The following AGBL1 variants were observed in gnomAD, a reference collection of about 807,000 sequenced individuals.
The protein encoded by AGBL1 is AGBL carboxypeptidase 1.
In AGBL1, 130 loss-of-function variants were observed where a neutral mutation model predicts 118.9. That is an observed-to-expected ratio of 1.09 (90% CI 0.95 to 1.26). The LOEUF (loss-of-function observed/expected upper bound fraction) is 1.26. Ranked by LOEUF, AGBL1 falls within the 50% of genes most tolerant of loss-of-function variation. AGBL1 has a pLI of 0.00. For synonymous variants in AGBL1, 555 were observed against 478.9 expected, an observed-to-expected ratio of 1.16 and a Z score of -2.08; for missense variants, 1,584 against 1,298.1, an observed-to-expected ratio of 1.22 and a Z score of -3.38.
At chr15:86,561,995 C>T (rs2083829709) in intron 21 of AGBL1, among the ~76,000 whole-genome samples, 1 of 152,104 alleles carries the variant, frequency 6.6e-6, no homozygotes, top group Non-Finnish European at 1.5e-5. Context: ...GATTTTTGCA[C>T]ATTGATTTTG....
At chr15:86,260,197 C>T (rs975041740) in intron 9 of AGBL1, among the ~76,000 whole-genome samples, 21 of 152,220 alleles carry the variant, frequency 1.4e-4, no homozygotes, top group African/African-American at 4.8e-4. Flanking sequence ...CTGGGGAAAC[C>T]AGCAGCATTT....
chr15:86,833,328 C>T (rs945377738), intron 22 of AGBL1, among the ~76,000 whole-genome samples: 17 of 152,068 alleles, frequency 1.1e-4, no homozygotes, highest in African/African-American at 3.9e-4. Flanking sequence ...TTGAATTGTA[C>T]CTCCCAGAAT....
intron 22 of AGBL1, among the ~76,000 whole-genome samples, chr15:86,761,030 C>T (rs2078015489): frequency 6.6e-6 from 1 of 152,058 alleles, no homozygotes; most frequent in African/African-American, 2.4e-5. Flanking sequence ...AGTATTCTAG[C>T]CTTGCCTTCT....
chr15:87,030,890 A>G (rs1311452130), downstream of AGBL1, among the ~76,000 whole-genome samples: 2 of 151,900 alleles, frequency 1.3e-5, no homozygotes, highest in African/African-American at 4.8e-5. Flanking sequence ...ATACAAGTCT[A>G]CACTCTGGTA....
chr15:86,319,746 T>C (rs2080075052), intron 17 of AGBL1, among the ~76,000 whole-genome samples: 2 of 20,916 alleles, frequency 9.6e-5, no homozygotes, highest in African/African-American at 7.0e-4. Context: ...TTTGGTAGTT[T>C]TTTTTTTTTT....
chr15:86,782,977 G>T (rs1315157976), intron 22 of AGBL1, among the ~76,000 whole-genome samples: 1 of 152,080 alleles, frequency 6.6e-6, no homozygotes, highest in African/African-American at 2.4e-5. Context: ...ACTTTTCCTT[G>T]TTTGTTTGTT....
intron 24 of AGBL1, among the ~76,000 whole-genome samples, chr15:86,998,438 A>T (rs1030729251): frequency 6.6e-6 from 1 of 152,146 alleles, no homozygotes; most frequent in South Asian, 2.1e-4. Flanking sequence ...CAGCAGACAC[A>T]TGAATTGGGA....
rs139159070 is a variant in AGBL1, at chr15:86,266,757, C to G, written c.1752-233C>G. On this transcript the variant is annotated intron_variant, in intron 12 of 22. Transcript: ENST00000614907. Reference sequence around the variant, plus strand: ...CTCTACTAAAAATACAAAAAATTAACTGGGTATGGTGGCGGGTGCCTGTAG... The same window carrying G: ...CTCTACTAAAAATACAAAAAATTAAGTGGGTATGGTGGCGGGTGCCTGTAG... 6.4e-3 allele frequency among the ~76,000 whole-genome samples: 980 copies of G among 152,202 alleles called. 14 individuals carry two copies. Among genetic ancestry groups the G allele is most frequent in the African/African-American group, 0.023 (940 of 41,540 alleles).
rs11853417 is a variant in AGBL1, at chr15:86,940,134, T to C, written c.3222-47853T>C. On this transcript the variant is annotated intron_variant, in intron 23 of 24. Transcript: ENST00000441037. ...GTGTTGCTCAGCCTGGGCTCGAACT[T>C]CTATGCTCAAGAGCTCCACCTGCCT... Among the ~76,000 whole-genome samples the C allele has an allele frequency of 7.2e-3, 1,051 of 146,486 alleles. 13 individuals carry two copies. The highest frequency in any genetic ancestry group is 0.032 in the Middle Eastern group (9 of 280).
At chr15:86,249,704 C>A (rs1022883767) in intron 7 of AGBL1, among the ~76,000 whole-genome samples, 5 of 152,160 alleles carry the variant, frequency 3.3e-5, no homozygotes, top group Non-Finnish European at 7.3e-5. Flanking sequence ...TGTTCCTCTG[C>A]CCTCCATGTT....
At chr15:86,504,892 T>C (rs1044195833) in intron 18 of AGBL1, among the ~76,000 whole-genome samples, 5 of 151,794 alleles carry the variant, frequency 3.3e-5, no homozygotes, top group African/African-American at 1.2e-4. Context: ...TGTTACTGTC[T>C]AGTGTCTTTT....
intron 22 of AGBL1, among the ~76,000 whole-genome samples, chr15:86,703,198 C>A (rs1341116447): frequency 6.6e-6 from 1 of 152,098 alleles, no homozygotes; most frequent in Non-Finnish European, 1.5e-5. Flanking sequence ...AGTGGAATAG[C>A]ATTTTTGTTT....
intron 17 of AGBL1, among the ~76,000 whole-genome samples, chr15:86,318,304 AG>A (rs1343839227): frequency 2.0e-5 from 3 of 152,136 alleles, no homozygotes; most frequent in African/African-American, 7.2e-5. Context: ...CATTGCCACT[AG>A]TGTGTCTCTC....
At chr15:86,597,230 C>G (rs910078150) in intron 21 of AGBL1, among the ~76,000 whole-genome samples, 2 of 152,092 alleles carry the variant, frequency 1.3e-5, no homozygotes, top group Admixed American at 1.3e-4. Context: ...TATTTTCTGT[C>G]TATCTGTTTT....
At chr15:86,569,802 C>G (rs1814401010) in intron 21 of AGBL1, among the ~76,000 whole-genome samples, 1 of 152,138 alleles carries the variant, frequency 6.6e-6, no homozygotes, top group Non-Finnish European at 1.5e-5. Context: ...AATTTAAACG[C>G]CCATCGTAGA....
At chr15:86,678,580 C>T (rs1211345627) in intron 22 of AGBL1, among the ~76,000 whole-genome samples, 1 of 151,948 alleles carries the variant, frequency 6.6e-6, no homozygotes, top group Non-Finnish European at 1.5e-5. Flanking sequence ...AATATTTTCC[C>T]CAAATTGTCA....
intron 1 of AGBL1, among the ~76,000 whole-genome samples, chr15:86,118,623 T>A (rs1345772365): frequency 6.6e-6 from 1 of 152,172 alleles, no homozygotes; most frequent in East Asian, 1.9e-4. Flanking sequence ...TTTTGTTACA[T>A]TCATAATAAA....
At chr15:86,552,122 C>T (rs1050843037) in intron 20 of AGBL1, among the ~76,000 whole-genome samples, 7 of 152,112 alleles carry the variant, frequency 4.6e-5, no homozygotes, top group African/African-American at 1.7e-4. Flanking sequence ...AGAGAATCCT[C>T]ATGTAAACTA....
intron 18 of AGBL1, among the ~76,000 whole-genome samples, chr15:86,518,363 C>A (rs1233321689): frequency 2.0e-5 from 3 of 152,078 alleles, no homozygotes; most frequent in Non-Finnish European, 4.4e-5. Flanking sequence ...TTTTTCGTGG[C>A]ATCATTGTCC....
Sources: gnomAD v4.1 joint callset for allele counts (sites outside exome capture counted in the v4.1 genomes callset) on GRCh38, gnomAD v4.1.1 for gene constraint, MANE v1.5 for transcripts, NCBI Gene and HGNC (gene_info 2026-07-23, HGNC 2026-07-21) for gene names.